Variants in CHODL observed in about 807,000 individuals in gnomAD.
CHODL encodes transmembrane protein MT75.
In CHODL, 29 loss-of-function variants were observed where a neutral mutation model predicts 34.5. That is an observed-to-expected ratio of 0.84 (90% CI 0.63 to 1.15). The LOEUF (loss-of-function observed/expected upper bound fraction) is 1.15, where lower values mean the gene tolerates loss of function less well. Ranked by LOEUF, CHODL falls within the 50% of genes most tolerant of loss-of-function variation. The pLI is 0.00. For missense variants in CHODL, 332 were observed against 332.5 expected, an observed-to-expected ratio of 1.00 and a Z score of 0.01; for synonymous variants, 125 against 116.1, an observed-to-expected ratio of 1.08 and a Z score of -0.49.
At chr21:18,257,372 C>A (rs1261715442) in intron 3 of CHODL, among the ~76,000 whole-genome samples, 1 of 152,052 alleles carries the variant, frequency 6.6e-6, no homozygotes, top group African/African-American at 2.4e-5. Flanking sequence ...AAAAAATAAT[C>A]ATTTCTTACA....
intron 2 of CHODL, among the ~76,000 whole-genome samples, chr21:18,058,275 T>G (rs204012): frequency 0.55 from 83,771 of 151,916 alleles, 24,444 homozygotes; most frequent in Non-Finnish European, 0.66. Flanking sequence ...AGTACAGCCA[T>G]ATGGAAATCA....
intron 1 of CHODL, among the ~76,000 whole-genome samples, chr21:17,965,663 T>C (rs1015926680): frequency 1.3e-5 from 2 of 152,184 alleles, no homozygotes; most frequent in Non-Finnish European, 2.9e-5. Flanking sequence ...TTCTGCTAGA[T>C]TGTGAGTTTC....
At chr21:18,189,395 C>T (rs9977011) in intron 2 of CHODL, among the ~76,000 whole-genome samples, 19,615 of 152,034 alleles carry the variant, frequency 0.13, 1,780 homozygotes, top group African/African-American at 0.25. Context: ...GCTCAAATTG[C>T]TGGACATGAC....
At chr21:18,000,666 A>G (rs1165202768) in intron 1 of CHODL, among the ~76,000 whole-genome samples, 1 of 152,200 alleles carries the variant, frequency 6.6e-6, no homozygotes, top group African/African-American at 2.4e-5. Context: ...GTCATAAGAA[A>G]AAAGGCTTAC....
rs371949922 is a variant in CHODL at position 18,078,243 on chromosome 21, C to T, written c.-45+50272C>T. On this transcript the variant is annotated intron_variant, in intron 2 of 6. Transcript: ENST00000400127. ...GTTCCACATGGCTGGGGAGGGCTCA[C>T]AATCATGGCAAAAGGCAAAGGAGAA... Among the ~76,000 whole-genome samples, 29 of 152,176 alleles carry T rather than the reference C, an allele frequency of 1.9e-4. No homozygotes were observed. In the East Asian group the frequency reaches 4.1e-3, roughly 21 times the overall value.
chr21:18,126,671 C>T (rs2065548923), intron 2 of CHODL, among the ~76,000 whole-genome samples: 1 of 151,282 alleles, frequency 6.6e-6, no homozygotes, highest in Non-Finnish European at 1.5e-5. Flanking sequence ...GGCTTAATAT[C>T]CTCGTATGAC....
intron 2 of CHODL, among the ~76,000 whole-genome samples, chr21:18,130,800 T>G (rs2072645388): frequency 6.6e-6 from 1 of 152,216 alleles, no homozygotes; most frequent in Non-Finnish European, 1.5e-5. Context: ...CACTAAAGAA[T>G]GTTATTTATT....
chr21:18,245,187 C>T lies in CHODL; in HGVS notation c.-37C>T, dbSNP rs1248881165. ...CTGCGCCCTGGGCAGAGGCCGCCCT[C>T]GCTCCACGCAACACCTGCTGCTGCC... On this transcript the variant is annotated 5_prime_UTR_variant, in exon 1 of 6. Coordinates refer to ENST00000299295, the MANE Select transcript of CHODL (RefSeq NM_024944.3). 11 of 1,498,512 alleles carry T rather than the reference C, an allele frequency of 7.3e-6. No homozygotes were observed. In the African/African-American group the frequency reaches 1.4e-4, roughly 20 times the overall value. 92.8% of individuals were successfully genotyped at this position (1,498,512 alleles called of 1,614,324 possible).
At chr21:18,038,870 T>C (rs897918701) in intron 2 of CHODL, among the ~76,000 whole-genome samples, 4 of 151,734 alleles carry the variant, frequency 2.6e-5, no homozygotes, top group African/African-American at 7.2e-5. Flanking sequence ...TGTAAGTCCC[T>C]TTTCAATGTC....
intron 2 of CHODL, among the ~76,000 whole-genome samples, chr21:18,087,767 A>G (rs762575304): frequency 5.9e-5 from 9 of 152,152 alleles, no homozygotes; most frequent in African/African-American, 2.2e-4. Context: ...GCAGGGTATT[A>G]TCCTAGATGT....
In CHODL at chr21:18,190,417, A is replaced by G. The variant is rs138616221; in HGVS notation, c.-44-66092A>G. Among the ~76,000 whole-genome samples the G allele has an allele frequency of 3.3e-5, 5 of 152,352 alleles. No individual in the cohort carries two copies. In the East Asian group the frequency reaches 9.6e-4, roughly 29 times the overall value. ...GGGAAAAAAATTGATGAACGTAGCAATGGCTTCTGCACAATTAAAAAAGAC... is the reference window on the plus strand; with the variant it reads ...GGGAAAAAAATTGATGAACGTAGCAGTGGCTTCTGCACAATTAAAAAAGAC... On this transcript the variant is annotated intron_variant, in intron 2 of 6. Coordinates refer to the CHODL transcript ENST00000400127.
chr21:18,037,211 C>T (rs190053576), intron 2 of CHODL, among the ~76,000 whole-genome samples: 13 of 151,940 alleles, frequency 8.6e-5, no homozygotes, highest in Admixed American at 2.0e-4. Context: ...ATACAGCAAG[C>T]GATCCTATGT....
chr21:18,091,882 G>A (rs1314222048), intron 2 of CHODL, among the ~76,000 whole-genome samples: 1 of 152,176 alleles, frequency 6.6e-6, no homozygotes, highest in African/African-American at 2.4e-5. Flanking sequence ...AAAGGGGAAG[G>A]AAAAGTGGGA....
At chr21:17,977,590 G>A (rs1161614109) in intron 1 of CHODL, among the ~76,000 whole-genome samples, 4 of 148,788 alleles carry the variant, frequency 2.7e-5, no homozygotes, top group Non-Finnish European at 4.5e-5. Flanking sequence ...TCGATCTCTT[G>A]ACCTCGTGAT....
At chr21:18,162,411 T>TTCTCTCTCTCTCTC (rs58978469) in intron 2 of CHODL, among the ~76,000 whole-genome samples, 4 of 147,918 alleles carry the variant, frequency 2.7e-5, no homozygotes, top group African/African-American at 1.0e-4. Flanking sequence ...ACGTGGTGTT[T>TTCTCTCTCTCTCTC]TCTCTCTCTC....
chr21:17,926,938 T>C (rs900995599), intron 1 of CHODL, among the ~76,000 whole-genome samples: 46 of 152,090 alleles, frequency 3.0e-4, no homozygotes, highest in African/African-American at 1.1e-3. Flanking sequence ...ATTGCCTTTC[T>C]ATAATCTATC....
chr21:18,069,517 G>T (rs1423704728), intron 2 of CHODL, among the ~76,000 whole-genome samples: 1 of 146,688 alleles, frequency 6.8e-6, no homozygotes, highest in Non-Finnish European at 1.5e-5. Context: ...GGGATATAAG[G>T]GGATTATATA....
chr21:18,204,041 A>C (rs1457956582), intron 2 of CHODL, among the ~76,000 whole-genome samples: 87 of 152,064 alleles, frequency 5.7e-4, no homozygotes, highest in Non-Finnish European at 1.3e-4. Context: ...CTAACATCTC[A>C]TTTTTACTCA....
chr21:18,110,130 T>G (rs1274136091), intron 2 of CHODL, among the ~76,000 whole-genome samples: 2 of 152,202 alleles, frequency 1.3e-5, no homozygotes, highest in Non-Finnish European at 2.9e-5. Flanking sequence ...TGAATTTTCC[T>G]AGACTTTACT....
Sources: allele counts gnomAD v4.1 joint callset (sites outside exome capture counted in the v4.1 genomes callset), GRCh38; gene constraint gnomAD v4.1.1; transcripts MANE v1.5; gene names NCBI Gene and HGNC (gene_info 2026-07-23, HGNC 2026-07-21).